The following MCRS1 variants were observed in gnomAD, a reference collection of about 807,000 sequenced individuals.
MCRS1 encodes 58 kDa microspherule protein.
A neutral mutation model predicts 62.9 loss-of-function variants in MCRS1; 22 were observed. The ratio of observed to expected loss-of-function variants is 0.35; its 90% CI spans 0.25 to 0.50. The LOEUF (loss-of-function observed/expected upper bound fraction) is 0.50, where lower values mean the gene tolerates loss of function less well. MCRS1 is among the 20% of genes least tolerant of loss of function. The probability of loss-of-function intolerance (pLI) is 0.98; values close to 1 mark genes in which losing one functional copy is unlikely to be tolerated. For missense variants in MCRS1, 456 were observed against 601.1 expected (o/e 0.76, Z 2.52); for synonymous variants, 244 against 233.5 (o/e 1.04, Z -0.41).
rs372014230 is a variant in MCRS1 at position 49,566,776 on chromosome 12, G to C, written c.-45C>G. 220 of 1,610,488 alleles carry C rather than the reference G, an allele frequency of 1.4e-4. No individual in the cohort carries two copies. The highest frequency in any genetic ancestry group is 3.1e-5 in the Non-Finnish European group (37 of 1,178,362). On this transcript the variant is annotated 5_prime_UTR_variant, in exon 2 of 15. Transcript: ENST00000343810. ...CACTGGTTCCAAACCACCGGGCTAG[G>C]AGGAACGGTCCCACAGGCTCATCCA...
rs747813843 is a variant in MCRS1 at position 49,564,864 on chromosome 12, G to C, written c.320C>G (p.Pro107Arg). The C allele has an allele frequency of 1.9e-6, 3 of 1,611,654 alleles. No individual in the cohort carries two copies. Among genetic ancestry groups the C allele is most frequent in the East Asian group, 4.5e-5 (2 of 44,844 alleles). The change falls in exon 5 of 15, where the codon CCC becomes CGC. Residue 107 changes from proline to arginine, a missense_variant. Physicochemically the swap from Pro to Arg is moderately radical, Grantham distance 103 (BLOSUM62 -2). Transcript: ENST00000343810. ...VSKAPSTPVPPSPAPAPGLTK... is the reference protein window; with the variant it reads ...VSKAPSTPVPRSPAPAPGLTK... ...GAGTCCAGGGGCTGGGGCTGGGCTG[G>C]GTGGCACAGGAGTGCTGGGGGCTTT...
rs1423690347 is a variant in MCRS1, at chr12:49,565,542, C to G, written c.275G>C (p.Ser92Thr). ...CCAATTCCTCACCTTCTTCTTCTCA[C>G]TGGAGGAGGGTTCACTCCCCGAACA... is the stretch of plus-strand genomic sequence containing the variant. ...GRCSGSEPSS[S>T]EKKKVSKAPS... The change falls in exon 4 of 15, where the codon AGT (serine) becomes ACT (threonine). Residue 92 changes from serine to threonine, a missense_variant. By Grantham distance (58) the Ser-to-Thr change is moderately conservative. Transcript: ENST00000343810. The G allele has an allele frequency of 6.3e-7, 1 of 1,598,122 alleles. No individual in the cohort carries two copies. The highest frequency in any genetic ancestry group is 1.1e-5 in the South Asian group (1 of 87,848).
At chr12:49,561,728 C>T (rs2138189392) in intron 8 of MCRS1, among the ~76,000 whole-genome samples, 1 of 152,326 alleles carries the variant, frequency 6.6e-6, no homozygotes. Context: ...CTCCCGGGTT[C>T]AGCAATTCTC....
chr12:49,566,314 C>T (rs1318923998), intron 2 of MCRS1, 99 bp from the exon 3 acceptor site: 3 of 1,520,170 alleles, frequency 2.0e-6, no homozygotes, highest in Admixed American at 1.8e-5. Context: ...GCCCTCTTGG[C>T]CCCTCCCCTG....
chr12:49,563,162 T>C, intron 7 of MCRS1, 23 bp from the exon 8 acceptor site: 2 of 1,551,688 alleles, frequency 1.3e-6, no homozygotes, highest in Non-Finnish European at 1.7e-6. Context: ...AAACATTCTC[T>C]AGGCATCTGG....
intron 1 of MCRS1, chr12:49,567,577 C>T (rs1939128180): frequency 6.6e-6 from 1 of 152,216 alleles, no homozygotes; most frequent in Non-Finnish European, 1.5e-5. Context: ...AGAATCTTGA[C>T]ATCTGAGGAG....
At position 49,558,419 on chromosome 12, in the gene MCRS1, G is replaced by C; in HGVS notation, c.*224C>G. 5.3e-6 allele frequency: 3 copies of C among 565,146 alleles called. No homozygotes were observed. The highest frequency in any genetic ancestry group is 3.2e-5 in the Admixed American group (1 of 31,136). 35.0% of individuals were successfully genotyped at this position (565,146 alleles called of 1,614,324 possible). ...TGGGGGGTAGGGTTGTTTTTAGAGA[G>C]AGGAAGATGGGGAGGGGCTCTGGAT... On this transcript the variant is annotated 3_prime_UTR_variant, in exon 15 of 15. Coordinates refer to ENST00000343810, the MANE Select transcript of MCRS1 (RefSeq NM_006337.5).
rs371436228 is a variant in MCRS1, at chr12:49,559,256, G to A, written c.1132C>T (p.Leu378=). The part of the protein sequence containing the change: ...ATKDNQIDVD[L]SLEGPAWKIS... ...TTCCAGGCCGGACCCTCCAGAGACAGGTCCACATCAATCTGGTTATCCTTG... is the reference window on the plus strand; with the variant it reads ...TTCCAGGCCGGACCCTCCAGAGACAAGTCCACATCAATCTGGTTATCCTTG... Residue 378 remains leucine (L), a synonymous_variant, in exon 13 of 15, where the codon CTG becomes TTG. Coordinates refer to ENST00000343810, the MANE Select transcript of MCRS1 (RefSeq NM_006337.5). This position sits in a 1 kb window ranked among gnomAD's most constrained non-coding sequence, Gnocchi z 5.2. 2.5e-6 allele frequency: 4 copies of A among 1,614,030 alleles called. No individual in the cohort carries two copies. The African/African-American group carries it at 5.3e-5, about 22-fold the overall frequency.
chr12:49,560,028 C>T, intron 9 of MCRS1, 61 bp from the exon 10 acceptor site: 1 of 1,605,180 alleles, frequency 6.2e-7, no homozygotes, highest in Non-Finnish European at 8.5e-7. Context: ...TTACTTGGCT[C>T]ATTAGGGCAT....
Position 49,564,827 on chromosome 12 carries a change from C to T in MCRS1, c.357G>A (p.Val119=). 1.2e-6 allele frequency: 2 copies of T among 1,614,122 alleles called. No individual in the cohort carries two copies. Among genetic ancestry groups the T allele is most frequent in the Non-Finnish European group, 1.7e-6 (2 of 1,179,976 alleles). ...CCTGAAGTGGCTGTTTACTCTTCTTCACACGCTTGGTGAGTCCAGGGGCTG... is the reference window on the plus strand; with the variant it reads ...CCTGAAGTGGCTGTTTACTCTTCTTTACACGCTTGGTGAGTCCAGGGGCTG... The part of the protein sequence containing the change: ...PAPAPGLTKR[V]KKSKQPLQVT... The change falls in exon 5 of 15, where the codon GTG becomes GTA. Residue 119 remains valine, a synonymous_variant. Coordinates refer to ENST00000343810, the MANE Select transcript of MCRS1 (RefSeq NM_006337.5).
At position 49,564,591 on chromosome 12, in the gene MCRS1, C is replaced by G; in HGVS notation, c.448-1G>C. The G allele has an allele frequency of 6.2e-7, 1 of 1,609,142 alleles. No individual in the cohort carries two copies. On this transcript the variant is annotated splice_acceptor_variant, in intron 5 of 14. Coordinates refer to ENST00000343810, the MANE Select transcript of MCRS1 (RefSeq NM_006337.5). LOFTEE classifies it high-confidence loss of function. ...GGTGGACGGAGGTCAGGTCGTTGGT[C>G]TGCAAGGCCCCAGAAGGATTTGCTC...
In MCRS1 at chr12:49,559,781, C is replaced by A. The variant is rs2138183466; in HGVS notation, c.951G>T (p.Arg317=). ...ACTTATGCAGTTCCTGTTCCAGCTG[C>A]CGAATCTCTCGCTTCTGGCGCCGGT... ...VADRRQKREI[R]QLEQELHKWQ... Residue 317 remains arginine, a synonymous_variant, in exon 11 of 15, where the codon CGG becomes CGT. Coordinates refer to ENST00000343810, the MANE Select transcript of MCRS1 (RefSeq NM_006337.5). The surrounding 1 kb of genome is among the most constrained non-coding windows in gnomAD (Gnocchi z 5.2). 1 of 1,614,212 alleles carries A rather than the reference C, an allele frequency of 6.2e-7. No homozygotes were observed. Among genetic ancestry groups the A allele is most frequent in the South Asian group, 1.1e-5 (1 of 91,086 alleles).
chr12:49,562,174 G>A (rs988557234), intron 8 of MCRS1, among the ~76,000 whole-genome samples: 3 of 152,216 alleles, frequency 2.0e-5, no homozygotes, highest in African/African-American at 7.2e-5. Context: ...AGCAGAAGCT[G>A]CGGGACCCTG....
In MCRS1 at chr12:49,559,799, G is replaced by A; in HGVS notation, c.933C>T (p.Arg311=). 1 of 1,614,210 alleles carries A rather than the reference G, an allele frequency of 6.2e-7. No individual in the cohort carries two copies. Among genetic ancestry groups the A allele is most frequent in the South Asian group, 1.1e-5 (1 of 91,086 alleles). Residue 311 remains arginine (R), a synonymous_variant, in exon 11 of 15, where the codon CGC becomes CGT. Coordinates refer to ENST00000343810, the MANE Select transcript of MCRS1 (RefSeq NM_006337.5). The surrounding 1 kb of genome is among the most constrained non-coding windows in gnomAD (Gnocchi z 5.2). ...LEHELMVADR[R]QKREIRQLEQ... ...CCAGCTGCCGAATCTCTCGCTTCTG[G>A]CGCCGGTCAGCCACCATCAGCTCTG...
Position 49,559,910 on chromosome 12 carries a change from C to T in MCRS1, c.910+29G>A. On this transcript the variant is annotated intron_variant, in intron 10 of 14. Transcript: ENST00000343810. The surrounding 1 kb of genome is among the most constrained non-coding windows in gnomAD (Gnocchi z 5.2). ...CTTGATTCTGGCAGGAGCTTCCATC[C>T]CCTCACCACCCCATGAGGCCATACT... The T allele has an allele frequency of 6.2e-7, 1 of 1,614,144 alleles. No individual in the cohort carries two copies.
Position 49,566,205 on chromosome 12 carries a change from C to A in MCRS1, c.21G>T (p.Gly7=), listed in dbSNP as rs747737921. ...ATGCCATCAGGGATGAATCTAGCAG[C>A]CCCTGAGAATCTAGCAAGAGAGAAA... MDKDSQ[G]LLDSSLMASG... Residue 7 remains glycine (G), a synonymous_variant, in exon 3 of 15, where the codon GGG becomes GGT. Coordinates refer to ENST00000343810, the MANE Select transcript of MCRS1 (RefSeq NM_006337.5). The A allele has an allele frequency of 1.2e-6, 2 of 1,612,832 alleles. No individual in the cohort carries two copies. Among genetic ancestry groups the A allele is most frequent in the Non-Finnish European group, 1.7e-6 (2 of 1,179,314 alleles).
In MCRS1 at chr12:49,566,645, C is replaced by T. The variant is rs1258873124; in HGVS notation, c.10+77G>A. On this transcript the variant is annotated intron_variant, in intron 2 of 14. Transcript: ENST00000343810. Reference sequence around the variant, plus strand: ...AAGGCCTAGCCAGGACCGAAAGACACACGTGCCAGGCACAGAGTGGAATCA... The same window carrying T: ...AAGGCCTAGCCAGGACCGAAAGACATACGTGCCAGGCACAGAGTGGAATCA... 66 of 1,602,988 alleles carry T rather than the reference C, an allele frequency of 4.1e-5. 1 individual carries two copies. Among genetic ancestry groups the T allele is most frequent in the Admixed American group, 1.7e-5 (1 of 59,342 alleles).
Position 49,559,431 on chromosome 12 carries a change from G to C in MCRS1, c.1086+22C>G. The C allele has an allele frequency of 6.2e-7, 1 of 1,613,814 alleles. No individual in the cohort carries two copies. The highest frequency in any genetic ancestry group is 8.5e-7 in the Non-Finnish European group (1 of 1,179,890). ...CTGACAGAGGAAGCAGCCTAAGAAG[G>C]GCGGGGATGGGCCTGCCTCACCTCA... On this transcript the variant is annotated intron_variant, in intron 12 of 14. Coordinates refer to ENST00000343810, the MANE Select transcript of MCRS1 (RefSeq NM_006337.5). This position sits in a 1 kb window ranked among gnomAD's most constrained non-coding sequence, Gnocchi z 5.2.
Position 49,566,849 on chromosome 12 carries a change from G to A in MCRS1, c.-110-8C>T. 7.4e-7 allele frequency: 1 copy of A among 1,349,290 alleles called. No individual in the cohort carries two copies. The highest frequency in any genetic ancestry group is 1.0e-6 in the Non-Finnish European group (1 of 970,950). The allele number at this position is 1,349,290 out of a possible 1,614,324, so 83.6% of individuals were successfully genotyped here. A position where few individuals can be genotyped will look rare whatever the true frequency, so the allele number is the denominator to read the frequency against. Reference sequence around the variant, plus strand: ...AAAGGCTGAGAGGAGATTCTGCAAAGGAGAAATGAGGCTCCCTGAGGCTCA... The same window carrying A: ...AAAGGCTGAGAGGAGATTCTGCAAAAGAGAAATGAGGCTCCCTGAGGCTCA... On this transcript the variant is annotated splice_polypyrimidine_tract_variant and splice_region_variant and intron_variant, in intron 1 of 14. Transcript: ENST00000343810.
Sources: allele counts gnomAD v4.1 joint callset (sites outside exome capture counted in the v4.1 genomes callset), GRCh38; gene constraint gnomAD v4.1.1; non-coding constraint Gnocchi (gnomAD v3.1); transcripts MANE v1.5; gene names NCBI Gene and HGNC (gene_info 2026-07-23, HGNC 2026-07-21).